The following HGS variants were observed in gnomAD, a reference collection of about 807,000 sequenced individuals.
HGS encodes hepatocyte growth factor-regulated tyrosine kinase substrate.
In HGS, 63 loss-of-function variants were observed where a neutral mutation model predicts 109.7. That is an observed-to-expected ratio of 0.57 (90% CI 0.47 to 0.71). The LOEUF (loss-of-function observed/expected upper bound fraction) is 0.71, where lower values mean the gene tolerates loss of function less well. HGS is among the 30% of genes least tolerant of loss of function. The pLI, the probability that HGS is intolerant of heterozygous loss-of-function variation, is 0.00. For missense variants in HGS, 995 were observed against 1,068.3 expected, an observed-to-expected ratio of 0.93 and a Z score of 0.96; for synonymous variants, 546 against 437.3, an observed-to-expected ratio of 1.25 and a Z score of -3.10.
intron 1 of HGS, chr17:81,685,214 C>A: frequency 3.7e-6 from 1 of 272,704 alleles, no homozygotes; most frequent in Non-Finnish European, 5.6e-6. Context: ...AGCATCTGGG[C>A]GAACGGGGAC....
intron 18 of HGS, 146 bp from the exon 19 acceptor site, chr17:81,700,321 A>T: frequency 1.3e-6 from 1 of 755,354 alleles, no homozygotes; most frequent in South Asian, 2.4e-5. Flanking sequence ...GTGAGCCAGG[A>T]TTGTGCCACT....
In HGS at chr17:81,693,649, C is replaced by T. The variant is rs748886992; in HGVS notation, c.742-5C>T. On this transcript the variant is annotated splice_polypyrimidine_tract_variant and splice_region_variant and intron_variant, in intron 9 of 21. Coordinates refer to ENST00000329138, the MANE Select transcript of HGS (RefSeq NM_004712.5). Reference sequence around the variant, plus strand: ...CCCCCCCTCACCCTCCCCGCTTGTCCTCAGCTGCCCCCCAAGAGGGACGAG... The same window carrying T: ...CCCCCCCTCACCCTCCCCGCTTGTCTTCAGCTGCCCCCCAAGAGGGACGAG... The T allele has an allele frequency of 1.3e-6, 2 of 1,549,340 alleles. No homozygotes were observed. Among genetic ancestry groups the T allele is most frequent in the Admixed American group, 2.0e-5 (1 of 51,132 alleles).
chr17:81,684,755 G>C (rs2036945506), intron 1 of HGS: 1 of 187,728 alleles, frequency 5.3e-6, no homozygotes, highest in East Asian at 1.9e-4. Context: ...TCTAATGTTT[G>C]GGGGTAGGAG....
At chr17:81,684,188 A>T in intron 1 of HGS, 85 bp downstream of exon 1, 3 of 869,318 alleles carry the variant, frequency 3.5e-6, no homozygotes, top group Non-Finnish European at 4.7e-6. Context: ...CGAGGGCCCG[A>T]GGGGCGCGGA....
Position 81,693,764 on chromosome 17 carries a change from G to A in HGS, c.840+12G>A. 6.5e-7 allele frequency: 1 copy of A among 1,536,378 alleles called. No individual in the cohort carries two copies. Among genetic ancestry groups the A allele is most frequent in the East Asian group, 2.4e-5 (1 of 41,886 alleles). On this transcript the variant is annotated intron_variant, in intron 10 of 21. Coordinates refer to ENST00000329138, the MANE Select transcript of HGS (RefSeq NM_004712.5). ...AGAAGGAGAGGCTGGTAAGCCGGGT[G>A]GGGCGGGGCGGCCTCAGGAGGGGCC...
intron 1 of HGS, 52 bp downstream of exon 1, chr17:81,684,155 C>A: frequency 6.9e-7 from 1 of 1,441,212 alleles, no homozygotes; most frequent in Admixed American, 2.7e-5. Context: ...CAGCCTCCGC[C>A]CGGCGCTGAG....
chr17:81,690,351 C>G, intron 6 of HGS, 117 bp downstream of exon 6: 1 of 1,038,578 alleles, frequency 9.6e-7, no homozygotes, highest in South Asian at 1.4e-5. Flanking sequence ...CTGTCTGGGA[C>G]CTGAGGATGC....
At position 81,701,883 on chromosome 17, in the gene HGS, A is replaced by G; in HGVS notation, c.*265A>G. 1 of 396,584 alleles carries G rather than the reference A, an allele frequency of 2.5e-6. No homozygotes were observed. Among genetic ancestry groups the G allele is most frequent in the East Asian group, 4.5e-5 (1 of 21,996 alleles). The allele number at this position is 396,584 out of a possible 1,614,324, so 24.6% of individuals were successfully genotyped here. A position where few individuals can be genotyped will look rare whatever the true frequency, so the allele number is the denominator to read the frequency against. On this transcript the variant is annotated 3_prime_UTR_variant, in exon 22 of 22. Transcript: ENST00000329138. The stretch of plus-strand genomic sequence containing the variant: ...GGGGAAGCCCCCAGCCCTGTGGGTC[A>G]TGGTCTGTGAGAGGTGGCAGGAATG...
Position 81,695,062 on chromosome 17 carries a change from G to A in HGS, c.1114G>A (p.Val372Met), listed in dbSNP as rs755727643. The change falls in exon 13 of 22, where the codon GTG (valine) becomes ATG (methionine). Residue 372 changes from valine to methionine, a missense_variant. Physicochemically the swap from Val to Met is conservative, Grantham distance 21 (BLOSUM62 1). Coordinates refer to ENST00000329138, the MANE Select transcript of HGS (RefSeq NM_004712.5). ...AGGGCACGCAGCCCCCACCAACGTGGTGGAGGTGAGGGGGCCACTCCCGGC... is the reference window on the plus strand; with the variant it reads ...AGGGCACGCAGCCCCCACCAACGTGATGGAGGTGAGGGGGCCACTCCCGGC... Reference protein sequence around the residue: ...GEGHAAPTNVVENPLPETDSQ... With the variant: ...GEGHAAPTNVMENPLPETDSQ... 1.2e-6 allele frequency: 2 copies of A among 1,613,118 alleles called. No homozygotes were observed. The highest frequency in any genetic ancestry group is 1.7e-5 in the Admixed American group (1 of 59,976).
chr17:81,693,428 G>C, intron 8 of HGS, 75 bp from the exon 9 acceptor site: 3 of 1,088,720 alleles, frequency 2.8e-6, no homozygotes, highest in Non-Finnish European at 4.2e-6. Context: ...AGCCCGCAGA[G>C]GTGTGGTTGA....
rs1216599261 is a variant in HGS at position 81,701,636 on chromosome 17, T to C, written c.*18T>C. ...TCGACTGACCCAGGCCATGCTCACG[T>C]CCGGAGTAACACTACATACAGTTCA... On this transcript the variant is annotated 3_prime_UTR_variant, in exon 22 of 22. Coordinates refer to ENST00000329138, the MANE Select transcript of HGS (RefSeq NM_004712.5). The C allele has an allele frequency of 4.5e-6, 7 of 1,542,878 alleles. No homozygotes were observed. The highest frequency in any genetic ancestry group is 5.2e-6 in the Non-Finnish European group (6 of 1,150,054).
In HGS at chr17:81,701,613, G is replaced by A. The variant is rs1402777377; in HGVS notation, c.2329G>A (p.Asp777Asn). ...CAGCGAGGCCCAGCTCATTTCATTC[G>A]ACTGACCCAGGCCATGCTCACGTCC... ...QGSEAQLISFD is the reference protein window; with the variant it reads ...QGSEAQLISFN Residue 777 changes from aspartate to asparagine, a missense_variant, in exon 22 of 22, where the codon GAC (aspartate) becomes AAC (asparagine). Physicochemically the swap from Asp to Asn is conservative, Grantham distance 23. Coordinates refer to ENST00000329138, the MANE Select transcript of HGS (RefSeq NM_004712.5). The A allele has an allele frequency of 7.0e-6, 11 of 1,562,772 alleles. No homozygotes were observed. The highest frequency in any genetic ancestry group is 2.4e-5 in the East Asian group (1 of 42,382).
chr17:81,688,790 G>A lies in HGS; in HGVS notation c.378G>A (p.Lys126=), dbSNP rs773683815. 6 of 1,614,170 alleles carry A rather than the reference G, an allele frequency of 3.7e-6. No homozygotes were observed. Among genetic ancestry groups the A allele is most frequent in the Non-Finnish European group, 4.2e-6 (5 of 1,180,028 alleles). Residue 126 remains lysine (K), a synonymous_variant, in exon 5 of 22, where the codon AAG becomes AAA. Transcript: ENST00000329138. ...AHAFRNEPKY[K]VVQDTYQIMK... ...CCTTCCGGAACGAGCCCAAGTACAA[G>A]GTGGTCCAGGACACCTACCAGATCA...
chr17:81,700,650 C>T (rs1175267468), intron 19 of HGS, 45 bp from the exon 20 acceptor site: 2 of 1,580,244 alleles, frequency 1.3e-6, no homozygotes, highest in Non-Finnish European at 1.7e-6. Context: ...CCAGCCCCAG[C>T]CCCAGCCCCA....
intron 4 of HGS, 30 bp from the exon 5 acceptor site, chr17:81,688,674 C>T (rs368611553): frequency 5.5e-5 from 88 of 1,611,286 alleles, no homozygotes; most frequent in East Asian, 6.7e-5. Flanking sequence ...GAGTGTCCTG[C>T]GACCCTCACC....
rs925769449 is a variant in HGS, at chr17:81,695,824, G to A, written c.1218G>A (p.Glu406=). Residue 406 remains glutamate (E), a synonymous_variant, in exon 15 of 22, where the codon GAG becomes GAA. Coordinates refer to ENST00000329138, the MANE Select transcript of HGS (RefSeq NM_004712.5). ...FHNGESEESH[E]QFLKALQNAV... Reference sequence around the variant, plus strand: ...ATGGCGAGTCTGAGGAGAGCCACGAGCAGTTCCTGAAGGCGCTGCAGAACG... The same window carrying A: ...ATGGCGAGTCTGAGGAGAGCCACGAACAGTTCCTGAAGGCGCTGCAGAACG... The A allele has an allele frequency of 3.7e-6, 6 of 1,613,448 alleles. No individual in the cohort carries two copies. Among genetic ancestry groups the A allele is most frequent in the South Asian group, 2.2e-5 (2 of 91,092 alleles).
In HGS at chr17:81,691,361, C is replaced by T. The variant is rs1343271498; in HGVS notation, c.538-86C>T. On this transcript the variant is annotated intron_variant, in intron 7 of 21. Coordinates refer to ENST00000329138, the MANE Select transcript of HGS (RefSeq NM_004712.5). The surrounding 1 kb of genome is among the most constrained non-coding windows in gnomAD (Gnocchi z 5.3). Reference sequence around the variant, plus strand: ...TTCCCCCACCTGTGAGGCCCAGCTTCGGCATCGTACGGGGTGGTTCTGGGC... The same window carrying T: ...TTCCCCCACCTGTGAGGCCCAGCTTTGGCATCGTACGGGGTGGTTCTGGGC... 11 of 1,552,832 alleles carry T rather than the reference C, an allele frequency of 7.1e-6. 1 individual carries two copies. Among genetic ancestry groups the T allele is most frequent in the African/African-American group, 4.1e-5 (3 of 74,044 alleles).
rs761274391 is a variant in HGS, at chr17:81,693,872, A to G, written c.843A>G (p.Arg281=). ...QSEAEEKERL[R]QKSTYTSYPK... is the part of the protein sequence containing the mutation. ...CGCCCCTTCTGATTCTGCCTCAGAG[A>G]CAGAAGTCCACGTACACTTCGTACC... The change falls in exon 11 of 22, where the codon AGA becomes AGG. Residue 281 remains arginine, a splice_region_variant and synonymous_variant. Coordinates refer to ENST00000329138, the MANE Select transcript of HGS (RefSeq NM_004712.5). 19 of 1,606,496 alleles carry G rather than the reference A, an allele frequency of 1.2e-5. No homozygotes were observed. The East Asian group carries it at 4.2e-4, about 36-fold the overall frequency.
At chr17:81,685,175 G>A in intron 1 of HGS, 6 of 612,232 alleles carry the variant, frequency 9.8e-6, no homozygotes, top group Non-Finnish European at 1.2e-5. Context: ...TCTAGCCCTT[G>A]CCCAAGCTAA....
Sources: gnomAD v4.1 joint callset for allele counts on GRCh38, gnomAD v4.1.1 for gene constraint, Gnocchi (gnomAD v3.1) non-coding constraint, MANE v1.5 for transcripts, NCBI Gene and HGNC (gene_info 2026-07-23, HGNC 2026-07-21) for gene names.